STAG1: variants seen among roughly 807,000 people sequenced by gnomAD.
The protein encoded by STAG1 is cohesin subunit SA-1.
Under a neutral mutation model 170.9 loss-of-function variants are expected in STAG1, and 26 were observed. The ratio of observed to expected loss-of-function variants is 0.15; its 90% CI spans 0.11 to 0.21. The LOEUF is 0.21. STAG1 is among the 10% of genes least tolerant of loss of function. The pLI, the probability that STAG1 is intolerant of heterozygous loss-of-function variation, is 1.00. For synonymous variants in STAG1, 514 were observed against 497.7 expected (o/e 1.03, Z -0.44); for missense variants, 964 against 1,509.5 (o/e 0.64, Z 5.99).
At chr3:136,668,367 TAATA>T (rs1941872715) in intron 1 of STAG1, among the ~76,000 whole-genome samples, 1 of 145,892 alleles carries the variant, frequency 6.9e-6, no homozygotes, top group Admixed American at 7.0e-5. Context: ...ATATTATACA[TAATA>T]TATTATACAT....
intron 9 of STAG1, among the ~76,000 whole-genome samples, chr3:136,489,642 G>A (rs923201775): frequency 7.9e-5 from 12 of 151,230 alleles, no homozygotes; most frequent in Admixed American, 2.0e-4. Flanking sequence ...ATTAGGCTGC[G>A]AGGAAAAAAA....
chr3:136,726,956 C>T (rs1933721681), intron 1 of STAG1, among the ~76,000 whole-genome samples: 1 of 152,110 alleles, frequency 6.6e-6, no homozygotes, highest in African/African-American at 2.4e-5. Context: ...AAGATTTATC[C>T]TTGCTCTTCC....
chr3:136,344,653 G>A (rs1466786386), intron 29 of STAG1, among the ~76,000 whole-genome samples: 1 of 151,762 alleles, frequency 6.6e-6, no homozygotes, highest in African/African-American at 2.4e-5. Flanking sequence ...TCACTCTGTC[G>A]CCCGGGCTGG....
intron 29 of STAG1, among the ~76,000 whole-genome samples, chr3:136,346,335 T>C (rs1936220405): frequency 6.6e-6 from 1 of 152,240 alleles, no homozygotes; most frequent in Non-Finnish European, 1.5e-5. Context: ...TAGAAATAGA[T>C]ACTTCTAATC....
rs113353607 is a variant in STAG1 at position 136,704,051 on chromosome 3, ATT to A, written c.-84+48142_-84+48143del. Reference sequence around the variant, plus strand: ...AAAAAAACACAGATTGGCATAAATGATTTTTTTTTTTTTTTTTGAGATGGAGT... The same window carrying A: ...AAAAAAACACAGATTGGCATAAATGATTTTTTTTTTTTTTTGAGATGGAGT... On this transcript the variant is annotated intron_variant, in intron 1 of 33. Transcript: ENST00000383202. Among the ~76,000 whole-genome samples the A allele has an allele frequency of 9.0e-3, 1,169 of 129,906 alleles. 18 individuals carry two copies. The highest frequency in any genetic ancestry group is 0.027 in the African/African-American group (939 of 34,224). The allele number at this position is 129,906 out of a possible 152,430, so 85.2% of individuals were successfully genotyped here.
chr3:136,516,517 A>T (rs906733513), intron 7 of STAG1, among the ~76,000 whole-genome samples: 5 of 152,068 alleles, frequency 3.3e-5, no homozygotes, highest in African/African-American at 1.2e-4. Flanking sequence ...ATAAACATAC[A>T]TTAAAAAAAA....
chr3:136,568,956 T>C, intron 4 of STAG1, 95 bp from the exon 5 acceptor site: 1 of 817,364 alleles, frequency 1.2e-6, no homozygotes, highest in South Asian at 1.7e-5. Context: ...TGTGTGTTTC[T>C]ATCTGAACGA....
intron 1 of STAG1, among the ~76,000 whole-genome samples, chr3:136,702,836 G>A (rs779126783): frequency 2.6e-5 from 4 of 152,024 alleles, no homozygotes; most frequent in East Asian, 1.9e-4. Flanking sequence ...ATGAGAGGCC[G>A]AGGCGGGCAG....
chr3:136,587,867 CAGG>C (rs949358051), intron 4 of STAG1, among the ~76,000 whole-genome samples: 21 of 152,100 alleles, frequency 1.4e-4, no homozygotes, highest in African/African-American at 5.1e-4. Flanking sequence ...AAGGCTGAGG[CAGG>C]AGAATAGCTT....
At chr3:136,638,160 CTT>C (rs1201526687) in intron 1 of STAG1, among the ~76,000 whole-genome samples, 1 of 149,514 alleles carries the variant, frequency 6.7e-6, no homozygotes, top group Admixed American at 6.7e-5. Context: ...GAGTTTTGCT[CTT>C]GTTGCCCAAG....
rs909756417 is a variant in STAG1 at position 136,617,443 on chromosome 3, G to A, written c.132+5703C>T. On this transcript the variant is annotated intron_variant, in intron 3 of 33. Coordinates refer to ENST00000383202, the MANE Select transcript of STAG1 (RefSeq NM_005862.3). ...TATCCAGGCCTTCACCTGGCCTATG[G>A]ACTTATACCCATGTGCCTGGTTTAT... Among the ~76,000 whole-genome samples, 32 of 152,132 alleles carry A rather than the reference G, an allele frequency of 2.1e-4. 1 individual carries two copies. Among genetic ancestry groups the A allele is most frequent in the African/African-American group, 7.7e-4 (32 of 41,416 alleles).
chr3:136,742,529 A>G (rs1264094622), intron 1 of STAG1, among the ~76,000 whole-genome samples: 1 of 152,082 alleles, frequency 6.6e-6, no homozygotes, highest in South Asian at 2.1e-4. Flanking sequence ...CCTAGCTAAC[A>G]TGGCAAAACC....
chr3:136,737,025 T>A, intron 1 of STAG1: 1 of 1,522,126 alleles, frequency 6.6e-7, no homozygotes, highest in East Asian at 2.3e-5. Context: ...GCCGCTTTTT[T>A]ATTTCTTCAT....
intron 28 of STAG1, among the ~76,000 whole-genome samples, chr3:136,351,045 C>A (rs1007936352): frequency 6.6e-6 from 1 of 152,110 alleles, no homozygotes; most frequent in Non-Finnish European, 1.5e-5. Flanking sequence ...CATATATATA[C>A]ACCTTAAATA....
At chr3:136,579,958 A>ATTTT (rs749325884) in intron 4 of STAG1, among the ~76,000 whole-genome samples, 11,209 of 73,562 alleles carry the variant, frequency 0.15, 2,521 homozygotes, top group Non-Finnish European at 0.19. Flanking sequence ...TACCATCTGA[A>ATTTT]TTTTTTTTTT....
intron 16 of STAG1, among the ~76,000 whole-genome samples, chr3:136,425,860 T>A (rs565321490): frequency 2.0e-5 from 3 of 151,530 alleles, no homozygotes; most frequent in East Asian, 3.9e-4. Context: ...CTAGTCAAAG[T>A]TGGGATAGCA....
intron 4 of STAG1, among the ~76,000 whole-genome samples, chr3:136,579,214 C>A (rs950722463): frequency 4.6e-5 from 7 of 152,188 alleles, no homozygotes; most frequent in Admixed American, 3.3e-4. Flanking sequence ...CCTTTTTCTC[C>A]AATTAACAAG....
chr3:136,612,080 C>T (rs545848658), intron 3 of STAG1, among the ~76,000 whole-genome samples: 2 of 152,144 alleles, frequency 1.3e-5, no homozygotes, highest in East Asian at 1.9e-4. Flanking sequence ...ATCTCCTGAC[C>T]TTGTGATCTG....
chr3:136,555,269 T>C (rs902697172), intron 5 of STAG1, among the ~76,000 whole-genome samples: 2 of 151,756 alleles, frequency 1.3e-5, no homozygotes, highest in African/African-American at 2.4e-5. Context: ...CCTAGCTACC[T>C]GGGAGGCTGA....
Sources: allele counts gnomAD v4.1 joint callset (sites outside exome capture counted in the v4.1 genomes callset), GRCh38; gene constraint gnomAD v4.1.1; transcripts MANE v1.5; gene names NCBI Gene and HGNC (gene_info 2026-07-23, HGNC 2026-07-21).